The following ASPRV1 variants were observed in gnomAD, a reference collection of about 807,000 sequenced individuals.
ASPRV1 encodes the protein aspartic peptidase retroviral like 1.
Under a neutral mutation model 11.0 loss-of-function variants are expected in ASPRV1, and 7 were observed. The observed-to-expected ratio is 0.64, with a 90% confidence interval of 0.36 to 1.20. The LOEUF (loss-of-function observed/expected upper bound fraction) is 1.20. Among genes scored for constraint, ASPRV1 ranks in the 50% most tolerant of loss-of-function variants. The pLI is 0.02. For missense variants in ASPRV1, 299 were observed against 320.0 expected (o/e 0.93, Z 0.50); for synonymous variants, 136 against 138.4 (o/e 0.98, Z 0.12).
At chr2:70,023,759 G>C in the ASPRV1 span, among the ~76,000 whole-genome samples, 1 of 151,280 alleles carries the variant, frequency 6.6e-6, no homozygotes, top group South Asian at 2.1e-4. Context: ...TTTTTTAAAA[G>C]TCCTTTTTTC....
the ASPRV1 span, chr2:69,988,772 A>G: frequency 2.2e-6 from 1 of 456,726 alleles, no homozygotes; most frequent in Non-Finnish European, 4.4e-6. Flanking sequence ...ACGAGAGCTT[A>G]TAACGAAGAG....
the ASPRV1 span, among the ~76,000 whole-genome samples, chr2:70,084,700 ATT>A: frequency 6.6e-6 from 1 of 152,216 alleles, no homozygotes; most frequent in Non-Finnish European, 1.5e-5. Flanking sequence ...TTTTGCAAAA[ATT>A]TTGTTACATA....
chr2:69,937,996 C>T, the ASPRV1 span: 1 of 1,131,562 alleles, frequency 8.8e-7, no homozygotes, highest in Non-Finnish European at 1.3e-6. Context: ...ATCCACCCGC[C>T]TTTGCCTCCC....
the ASPRV1 span, among the ~76,000 whole-genome samples, chr2:70,052,493 A>G: frequency 1.3e-5 from 2 of 152,162 alleles, no homozygotes. Flanking sequence ...AATACTGAGT[A>G]AGGGTCCAGG....
chr2:69,937,542 C>T, the ASPRV1 span: 2 of 728,610 alleles, frequency 2.7e-6, no homozygotes, highest in Admixed American at 3.2e-5. Flanking sequence ...CCTCCAGTGA[C>T]AGGTTCCTTC....
At chr2:69,979,250 G>T in the ASPRV1 span, among the ~76,000 whole-genome samples, 1 of 152,110 alleles carries the variant, frequency 6.6e-6, no homozygotes, top group Non-Finnish European at 1.5e-5. Context: ...GGCCAGGATG[G>T]TCTCAATCTC....
At chr2:69,975,639 T>C in the ASPRV1 span, 1 of 152,152 alleles carries the variant, frequency 6.6e-6, no homozygotes, top group African/African-American at 2.4e-5. Context: ...TGCTGAGCTA[T>C]GGAGGGGAAA....
At chr2:70,009,749 G>C in the ASPRV1 span, among the ~76,000 whole-genome samples, 1 of 152,206 alleles carries the variant, frequency 6.6e-6, no homozygotes, top group Non-Finnish European at 1.5e-5. Context: ...TTTTCATGAG[G>C]GGTAGAAAGG....
At chr2:69,940,236 T>TGGC in the ASPRV1 span, 1 of 152,154 alleles carries the variant, frequency 6.6e-6, no homozygotes, top group African/African-American at 2.4e-5. Context: ...CCTTTTGCAT[T>TGGC]TTTAAAGCCT....
chr2:69,984,559 C>T, the ASPRV1 span, among the ~76,000 whole-genome samples: 2 of 150,550 alleles, frequency 1.3e-5, no homozygotes, highest in African/African-American at 4.9e-5. Flanking sequence ...AGATAGAGAC[C>T]ATGTCTATAG....
chr2:69,951,446 A>AGTGTGT, the ASPRV1 span, among the ~76,000 whole-genome samples: 172 of 107,346 alleles, frequency 1.6e-3, 1 homozygote, highest in African/African-American at 4.3e-3. Flanking sequence ...AAAAAAAGTG[A>AGTGTGT]GTGTGTGTGT....
At chr2:70,025,597 G>A in the ASPRV1 span, among the ~76,000 whole-genome samples, 376 of 152,274 alleles carry the variant, frequency 2.5e-3, 1 homozygote, top group Non-Finnish European at 3.7e-3. Flanking sequence ...TTTGTGGATC[G>A]TGCCAATGAT....
At chr2:69,976,363 G>C in the ASPRV1 span, 4 of 152,434 alleles carry the variant, frequency 2.6e-5, no homozygotes, top group African/African-American at 9.6e-5. Flanking sequence ...AGGCGATGCA[G>C]ACCGCAGTCT....
chr2:69,949,432 C>A, the ASPRV1 span, among the ~76,000 whole-genome samples: 1 of 152,182 alleles, frequency 6.6e-6, no homozygotes, highest in Non-Finnish European at 1.5e-5. Flanking sequence ...TTACTAATCA[C>A]TGGCCTTGAT....
the ASPRV1 span, among the ~76,000 whole-genome samples, chr2:70,068,855 G>A: frequency 1.4e-5 from 2 of 140,952 alleles, no homozygotes; most frequent in Non-Finnish European, 3.0e-5. Context: ...TGAGGCAGGA[G>A]AATCACTTGA....
chr2:69,957,448 T>C (rs1677965588), downstream of ASPRV1, among the ~76,000 whole-genome samples: 2 of 151,294 alleles, frequency 1.3e-5, no homozygotes, highest in Non-Finnish European at 2.9e-5. Flanking sequence ...GATAAAAGCA[T>C]AAAGAATTAT....
At chr2:69,990,337 C>T in the ASPRV1 span, among the ~76,000 whole-genome samples, 36 of 152,120 alleles carry the variant, frequency 2.4e-4, no homozygotes, top group Middle Eastern at 3.2e-3. Context: ...GCCCCCGCCA[C>T]CATGTCCGGC....
the ASPRV1 span, chr2:70,069,446 T>C: frequency 5.9e-5 from 9 of 152,344 alleles, no homozygotes; most frequent in East Asian, 1.2e-3. Context: ...GCCATTTATA[T>C]GTTTTTGATA....
chr2:69,963,061 C>A, upstream of ASPRV1: 2 of 351,132 alleles, frequency 5.7e-6, no homozygotes, highest in Admixed American at 3.8e-5. Context: ...CAGTGCCTGG[C>A]GGAATCCCAG....
Sources: gnomAD v4.1 joint callset for allele counts (sites outside exome capture counted in the v4.1 genomes callset) on GRCh38, gnomAD v4.1.1 for gene constraint, MANE v1.5 for transcripts, NCBI Gene and HGNC (gene_info 2026-07-23, HGNC 2026-07-21) for gene names.